Variants in RIMS1 observed in about 807,000 individuals in gnomAD.
RIMS1 encodes the protein regulating synaptic membrane exocytosis 1.
In RIMS1, 83 loss-of-function variants were observed where a neutral mutation model predicts 214.1. That is an observed-to-expected ratio of 0.39 (90% confidence interval 0.32 to 0.47). RIMS1 has a LOEUF of 0.47. Ranked by LOEUF, RIMS1 falls within the 20% of genes least tolerant of loss-of-function variation. The probability of loss-of-function intolerance (pLI) is 0.99; values close to 1 mark genes in which losing one functional copy is unlikely to be tolerated. For missense variants in RIMS1, 2,050 were observed against 2,161.8 expected, an observed-to-expected ratio of 0.95 and a Z score of 1.03; for synonymous variants, 793 against 786.8, an observed-to-expected ratio of 1.01 and a Z score of -0.13.
intron 4 of RIMS1, chr6:72,126,846 G>A (rs1338205153): frequency 3.1e-5 from 5 of 160,294 alleles, no homozygotes; most frequent in Non-Finnish European, 5.4e-5. Context: ...AGGTAAACTA[G>A]TACAACTATG....
chr6:71,940,450 C>T (rs1012708099), intron 1 of RIMS1, among the ~76,000 whole-genome samples: 1 of 152,084 alleles, frequency 6.6e-6, no homozygotes, highest in African/African-American at 2.4e-5. Context: ...TGCTGAACTA[C>T]CAATCTCATG....
At chr6:72,009,111 T>A (rs571373124) in intron 2 of RIMS1, among the ~76,000 whole-genome samples, 1 of 152,048 alleles carries the variant, frequency 6.6e-6, no homozygotes, top group Non-Finnish European at 1.5e-5. Context: ...GAACAGAAAT[T>A]ATAACAAACT....
rs181432618 is a variant in RIMS1 at position 72,084,749 on chromosome 6, A to G, written c.246-12200A>G. On this transcript the variant is annotated intron_variant, in intron 2 of 33. Transcript: ENST00000521978. ...AAATGCTTGACTGAAGCAATAGACT[A>G]TAAAACACTAATAGCTAATCATCGG... is the stretch of plus-strand genomic sequence containing the variant. Among the ~76,000 whole-genome samples the G allele has an allele frequency of 1.8e-3, 271 of 152,282 alleles. 1 individual carries two copies. Among genetic ancestry groups the G allele is most frequent in the African/African-American group, 6.3e-3 (261 of 41,550 alleles).
At chr6:72,393,358 AC>A (rs1253543577) in intron 31 of RIMS1, among the ~76,000 whole-genome samples, 1 of 152,202 alleles carries the variant, frequency 6.6e-6, no homozygotes, top group Non-Finnish European at 1.5e-5. Flanking sequence ...GTGGAATTTC[AC>A]AATACTGAGG....
chr6:72,268,218 G>T (rs934514183), intron 22 of RIMS1, among the ~76,000 whole-genome samples: 10 of 152,118 alleles, frequency 6.6e-5, no homozygotes, highest in African/African-American at 2.4e-4. Flanking sequence ...CAAGAGTGGT[G>T]ACTTTGTTAT....
intron 2 of RIMS1, among the ~76,000 whole-genome samples, chr6:72,081,189 G>T (rs985445733): frequency 6.6e-6 from 1 of 152,136 alleles, no homozygotes; most frequent in African/African-American, 2.4e-5. Context: ...AGGTTAAGAT[G>T]ATTTATCAGA....
chr6:71,989,600 A>C (rs1304247162), intron 2 of RIMS1, among the ~76,000 whole-genome samples: 1 of 152,250 alleles, frequency 6.6e-6, no homozygotes, highest in African/African-American at 2.4e-5. Flanking sequence ...AAACAGTTGC[A>C]ATCAATTTAT....
At chr6:72,374,748 A>G (rs1319827611) in intron 29 of RIMS1, among the ~76,000 whole-genome samples, 1 of 152,180 alleles carries the variant, frequency 6.6e-6, no homozygotes, top group Non-Finnish European at 1.5e-5. Context: ...AAAGTGCATT[A>G]CTTTTATTAT....
At chr6:72,229,927 T>C (rs1337026319) in intron 6 of RIMS1, among the ~76,000 whole-genome samples, 11 of 151,852 alleles carry the variant, frequency 7.2e-5, no homozygotes, top group Non-Finnish European at 1.6e-4. Flanking sequence ...CTTAAAAACC[T>C]ATTCTTAGAA....
intron 16 of RIMS1, among the ~76,000 whole-genome samples, chr6:72,257,422 T>C (rs897728999): frequency 5.3e-5 from 8 of 152,100 alleles, no homozygotes; most frequent in Admixed American, 2.0e-4. Flanking sequence ...ATCTTAGTTA[T>C]GCTAATTAAA....
intron 6 of RIMS1, among the ~76,000 whole-genome samples, chr6:72,191,605 G>T (rs905666649): frequency 1.3e-5 from 2 of 152,244 alleles, no homozygotes; most frequent in Non-Finnish European, 2.9e-5. Flanking sequence ...GAACAGTAAA[G>T]GTATATTGCT....
chr6:72,114,816 ATTG>A (rs2036763480), intron 4 of RIMS1, among the ~76,000 whole-genome samples: 1 of 151,784 alleles, frequency 6.6e-6, no homozygotes, highest in African/African-American at 2.4e-5. Context: ...GTACTTAGCT[ATTG>A]TTGTGGAGCT....
At chr6:72,144,184 T>G (rs1475989319) in intron 4 of RIMS1, among the ~76,000 whole-genome samples, 1 of 152,226 alleles carries the variant, frequency 6.6e-6, no homozygotes, top group Non-Finnish European at 1.5e-5. Flanking sequence ...ATTCAAGCAG[T>G]TGGCCATTAA....
intron 2 of RIMS1, among the ~76,000 whole-genome samples, chr6:72,019,491 A>G (rs559627657): frequency 3.3e-5 from 5 of 152,218 alleles, no homozygotes; most frequent in African/African-American, 1.2e-4. Flanking sequence ...TGCAGGTGTT[A>G]TAGCGATCAC....
intron 2 of RIMS1, among the ~76,000 whole-genome samples, chr6:72,046,636 G>A (rs971102830): frequency 3.9e-5 from 6 of 152,036 alleles, no homozygotes; most frequent in African/African-American, 1.4e-4. Context: ...TGGGGGTTCA[G>A]GGCAGGTGCC....
At chr6:72,191,651 G>A (rs1026644171) in intron 6 of RIMS1, among the ~76,000 whole-genome samples, 2 of 152,254 alleles carry the variant, frequency 1.3e-5, no homozygotes, top group Non-Finnish European at 2.9e-5. Flanking sequence ...CTTTTGATGG[G>A]CCTTATGGAC....
At position 72,059,816 on chromosome 6, in the gene RIMS1, A is replaced by C. The variant is rs940122454; in HGVS notation, c.246-37133A>C. On this transcript the variant is annotated intron_variant, in intron 2 of 33. Coordinates refer to ENST00000521978, the MANE Select transcript of RIMS1 (RefSeq NM_014989.7). Reference sequence around the variant, plus strand: ...ATTATTTTAAATTTATGAATTAGAAAATTTCACATCAAAATCTGGATTTGC... The same window carrying C: ...ATTATTTTAAATTTATGAATTAGAACATTTCACATCAAAATCTGGATTTGC... 3.3e-5 allele frequency among the ~76,000 whole-genome samples: 5 copies of C among 152,214 alleles called. No individual in the cohort carries two copies. The South Asian group carries it at 1.0e-3, about 32-fold the overall frequency.
chr6:72,156,239 A>C lies in RIMS1; in HGVS notation c.472-23336A>C, dbSNP rs1588195316. ...AACCTAAATGTCCACTCACAGATGA[A>C]TGAAGAAAATGTGATAAAAACATAC... On this transcript the variant is annotated intron_variant, in intron 4 of 33. Coordinates refer to ENST00000521978, the MANE Select transcript of RIMS1 (RefSeq NM_014989.7). Among the ~76,000 whole-genome samples, 3 of 141,178 alleles carry C rather than the reference A, an allele frequency of 2.1e-5. 1 individual carries two copies. Among genetic ancestry groups the C allele is most frequent in the African/African-American group, 7.4e-5 (3 of 40,774 alleles). 92.6% of individuals were successfully genotyped at this position (141,178 alleles called of 152,430 possible). A position where few individuals can be genotyped will look rare whatever the true frequency, so the allele number is the denominator to read the frequency against.
intron 9 of RIMS1, among the ~76,000 whole-genome samples, chr6:72,239,667 A>G (rs942833471): frequency 6.6e-6 from 1 of 152,126 alleles, no homozygotes; most frequent in Non-Finnish European, 1.5e-5. Flanking sequence ...AAGTCTGTGC[A>G]CTCTACTGCT....
Sources: gnomAD v4.1 joint callset for allele counts (sites outside exome capture counted in the v4.1 genomes callset) on GRCh38, gnomAD v4.1.1 for gene constraint, MANE v1.5 for transcripts, NCBI Gene and HGNC (gene_info 2026-07-23, HGNC 2026-07-21) for gene names.